The following HTR7 variants were observed in gnomAD, a reference collection of about 807,000 sequenced individuals.
The protein encoded by HTR7 is 5-hydroxytryptamine receptor 7.
Under a neutral mutation model 34.0 loss-of-function variants are expected in HTR7, and 16 were observed. The ratio of observed to expected loss-of-function variants is 0.47; its 90% confidence interval spans 0.32 to 0.71. The LOEUF (loss-of-function observed/expected upper bound fraction) is 0.71, where lower values mean the gene tolerates loss of function less well. HTR7 is among the 30% of genes least tolerant of loss of function. The pLI is 0.04. For synonymous variants in HTR7, 265 were observed against 260.2 expected (o/e 1.02, Z -0.18); for missense variants, 504 against 625.5 (o/e 0.81, Z 2.07).
At chr10:90,748,140 C>T (rs1176953364) in intron 2 of HTR7, among the ~76,000 whole-genome samples, 1 of 152,160 alleles carries the variant, frequency 6.6e-6, no homozygotes, top group Non-Finnish European at 1.5e-5. Context: ...TCCTGTGGCT[C>T]TTTTTCTTTT....
intron 1 of HTR7, among the ~76,000 whole-genome samples, chr10:90,803,565 T>C (rs886497859): frequency 3.3e-5 from 5 of 152,134 alleles, no homozygotes; most frequent in African/African-American, 9.7e-5. Context: ...CAGTTTCAGG[T>C]GTTTCTGTTT....
At chr10:90,754,189 C>T (rs990404478) in intron 1 of HTR7, among the ~76,000 whole-genome samples, 22 of 152,018 alleles carry the variant, frequency 1.4e-4, no homozygotes, top group Admixed American at 1.4e-3. Flanking sequence ...TTAAATCTTA[C>T]ATTGTTTTAT....
chr10:90,832,548 C>T (rs919297491), intron 1 of HTR7, among the ~76,000 whole-genome samples: 7 of 152,210 alleles, frequency 4.6e-5, no homozygotes, highest in Non-Finnish European at 8.8e-5. Flanking sequence ...GGTTCCCGCT[C>T]GTGCCTCTCT....
intron 1 of HTR7, among the ~76,000 whole-genome samples, chr10:90,791,532 G>T (rs1845459449): frequency 6.6e-6 from 1 of 152,058 alleles, no homozygotes; most frequent in Non-Finnish European, 1.5e-5. Context: ...TGCCCCAGGT[G>T]TATGTAAGCA....
At chr10:90,834,373 G>A (rs983145465) in intron 1 of HTR7, among the ~76,000 whole-genome samples, 4 of 148,310 alleles carry the variant, frequency 2.7e-5, no homozygotes, top group African/African-American at 4.9e-5. Context: ...ATAAATATGG[G>A]AACATAAATT....
chr10:90,849,201 C>T (rs1330769733), intron 1 of HTR7, among the ~76,000 whole-genome samples: 1 of 152,134 alleles, frequency 6.6e-6, no homozygotes, highest in African/African-American at 2.4e-5. Flanking sequence ...ATAACAGGGT[C>T]TTAGGGTGTA....
At chr10:90,792,479 G>A (rs1227098128) in intron 1 of HTR7, among the ~76,000 whole-genome samples, 2 of 151,680 alleles carry the variant, frequency 1.3e-5, no homozygotes, top group East Asian at 3.9e-4. Flanking sequence ...ATTTTTCAAT[G>A]GTTACACTTT....
chr10:90,807,731 C>T (rs1349486507), intron 1 of HTR7, among the ~76,000 whole-genome samples: 1 of 152,178 alleles, frequency 6.6e-6, no homozygotes, highest in Non-Finnish European at 1.5e-5. Context: ...CACACGGACG[C>T]GCATGAAATT....
chr10:90,749,570 G>A lies in HTR7; in HGVS notation c.564C>T (p.Leu188=). Reference sequence around the variant, plus strand: ...TCCCATTCTGCCTCACAGGGTATGTGAGGGGCCTTGTGATCCCAAGGTACC... The same window carrying A: ...TCCCATTCTGCCTCACAGGGTATGTAAGGGGCCTTGTGATCCCAAGGTACC... ...IDRYLGITRP[L]TYPVRQNGKC... is the part of the protein sequence containing the mutation. Residue 188 remains leucine (L), a synonymous_variant, in exon 2 of 4, where the codon CTC becomes CTT. Coordinates refer to ENST00000336152, the MANE Select transcript of HTR7 (RefSeq NM_019859.4). The surrounding 1 kb of genome is among the most constrained non-coding windows in gnomAD (Gnocchi z 4.2). 6.2e-7 allele frequency: 1 copy of A among 1,612,110 alleles called. No homozygotes were observed. The highest frequency in any genetic ancestry group is 8.5e-7 in the Non-Finnish European group (1 of 1,178,624).
intron 1 of HTR7, among the ~76,000 whole-genome samples, chr10:90,807,864 C>T (rs1375311344): frequency 1.3e-5 from 2 of 152,352 alleles, no homozygotes; most frequent in East Asian, 3.9e-4. Context: ...GCCCAAGGAA[C>T]ATCTCACCAA....
At chr10:90,831,868 G>A (rs545567795) in intron 1 of HTR7, among the ~76,000 whole-genome samples, 2 of 152,226 alleles carry the variant, frequency 1.3e-5, no homozygotes, top group South Asian at 4.2e-4. Context: ...TAGATACAGA[G>A]TGTCGATTGG....
intron 1 of HTR7, among the ~76,000 whole-genome samples, chr10:90,809,777 A>G (rs11814372): frequency 0.28 from 42,499 of 152,072 alleles, 6,509 homozygotes; most frequent in African/African-American, 0.41. Context: ...CCATCTGTGC[A>G]GGACCCCACT....
At chr10:90,788,378 T>TTA (rs1382715307) in intron 1 of HTR7, among the ~76,000 whole-genome samples, 3 of 152,300 alleles carry the variant, frequency 2.0e-5, no homozygotes, top group African/African-American at 7.2e-5. Context: ...AAATCCATGA[T>TTA]TATGGTCACA....
At chr10:90,767,437 T>C (rs192521729) in intron 1 of HTR7, among the ~76,000 whole-genome samples, 36 of 152,352 alleles carry the variant, frequency 2.4e-4, no homozygotes, top group African/African-American at 7.2e-4. Flanking sequence ...CTCGTTAGCT[T>C]CTTAGTTTAT....
intron 3 of HTR7, among the ~76,000 whole-genome samples, chr10:90,742,738 T>C (rs1164274766): frequency 6.6e-6 from 1 of 152,202 alleles, no homozygotes; most frequent in Non-Finnish European, 1.5e-5. Flanking sequence ...GCCAAGGCTT[T>C]AATATATTTG....
At chr10:90,758,338 C>A (rs1268897693) in intron 1 of HTR7, among the ~76,000 whole-genome samples, 1 of 400 alleles carries the variant, frequency 2.5e-3, no homozygotes, top group Admixed American at 0.031. Context: ...AAGCAAGGCT[C>A]TGTCTCAAAA....
chr10:90,819,506 C>A (rs1845945723), intron 1 of HTR7, among the ~76,000 whole-genome samples: 1 of 152,066 alleles, frequency 6.6e-6, no homozygotes, highest in South Asian at 2.1e-4. Context: ...TACATCATCC[C>A]TTTTTAATTT....
chr10:90,793,043 T>G (rs1845483860), intron 1 of HTR7, among the ~76,000 whole-genome samples: 1 of 152,062 alleles, frequency 6.6e-6, no homozygotes, highest in East Asian at 1.9e-4. Context: ...AGCAAAAAAT[T>G]AACAAATGTG....
intron 1 of HTR7, among the ~76,000 whole-genome samples, chr10:90,781,413 C>T (rs1326558620): frequency 4.6e-5 from 7 of 152,056 alleles, no homozygotes; most frequent in Non-Finnish European, 8.8e-5. Flanking sequence ...ATAACTCTTT[C>T]GAAGAGAAAA....
Sources: gnomAD v4.1 joint callset for allele counts (sites outside exome capture counted in the v4.1 genomes callset) on GRCh38, gnomAD v4.1.1 for gene constraint, Gnocchi (gnomAD v3.1) non-coding constraint, MANE v1.5 for transcripts, NCBI Gene and HGNC (gene_info 2026-07-23, HGNC 2026-07-21) for gene names.